The following GRAMD1C variants were observed in gnomAD, a reference collection of about 807,000 sequenced individuals.
GRAMD1C encodes the protein GRAM domain containing 1C.
GRAMD1C carries 89 observed loss-of-function variants against 97.8 expected under a neutral mutation model. The observed-to-expected ratio is 0.91, with a 90% CI of 0.77 to 1.09. The LOEUF is 1.09. Among genes scored for constraint, GRAMD1C ranks in the 50% least tolerant of loss-of-function variants. The probability of loss-of-function intolerance (pLI) is 0.00; values close to 1 mark genes in which losing one functional copy is unlikely to be tolerated. For missense variants in GRAMD1C, 740 were observed against 766.4 expected (o/e 0.97, Z 0.41); for synonymous variants, 256 against 267.0 (o/e 0.96, Z 0.40).
In GRAMD1C at chr3:113,838,844, A is replaced by C. The variant is rs1017801092; in HGVS notation, c.-66A>C. The C allele has an allele frequency of 3.0e-5, 35 of 1,168,684 alleles. 1 individual carries two copies. Among genetic ancestry groups the C allele is most frequent in the Non-Finnish European group, 3.5e-5 (33 of 932,134 alleles). 72.4% of individuals were successfully genotyped at this position (1,168,684 alleles called of 1,614,324 possible). A position where few individuals can be genotyped will look rare whatever the true frequency, so the allele number is the denominator to read the frequency against. ...GCCTGTAACTCGCAGCGCGCGCTGGAGGTGGGCGCGGGGCGGTGCGGTGCG... is the reference window on the plus strand; with the variant it reads ...GCCTGTAACTCGCAGCGCGCGCTGGCGGTGGGCGCGGGGCGGTGCGGTGCG... On this transcript the variant is annotated 5_prime_UTR_variant, in exon 1 of 18. Transcript: ENST00000358160.
rs550856728 is a variant in GRAMD1C, at chr3:113,856,490, C to T, written c.174+11841C>T. Among the ~76,000 whole-genome samples the T allele has an allele frequency of 5.3e-5, 8 of 152,106 alleles. No homozygotes were observed. The South Asian group carries it at 1.0e-3, about 20-fold the overall frequency. ...CCACTGCCACCCCCTATGTTACCCC[C>T]GGCTAGTCTGTTCTCCAGATTTATT... On this transcript the variant is annotated intron_variant, in intron 2 of 17. Transcript: ENST00000358160.
chr3:113,917,145 AAAAT>A (rs997242514), intron 10 of GRAMD1C, among the ~76,000 whole-genome samples: 1 of 152,254 alleles, frequency 6.6e-6, no homozygotes, highest in East Asian at 1.9e-4. Context: ...ACTCTGTCTC[AAAAT>A]AAATAAATAA....
intron 10 of GRAMD1C, among the ~76,000 whole-genome samples, chr3:113,922,177 T>G (rs1937083887): frequency 1.3e-5 from 2 of 152,000 alleles, no homozygotes; most frequent in African/African-American, 4.8e-5. Flanking sequence ...ACTCAAACAA[T>G]TCTCCTGCCT....
intron 17 of GRAMD1C, among the ~76,000 whole-genome samples, chr3:113,940,753 T>C (rs774413866): frequency 6.6e-6 from 1 of 152,188 alleles, no homozygotes; most frequent in Non-Finnish European, 1.5e-5. Flanking sequence ...TAACCATATA[T>C]CTTGGAGATA....
rs544007436 is a variant in GRAMD1C, at chr3:113,845,009, A to T, written c.174+360A>T. 18 of 162,688 alleles carry T rather than the reference A, an allele frequency of 1.1e-4. No homozygotes were observed. The East Asian group carries it at 3.3e-3, about 30-fold the overall frequency. The allele number at this position is 162,688 out of a possible 1,614,324, so 10.1% of individuals were successfully genotyped here. A position where few individuals can be genotyped will look rare whatever the true frequency, so the allele number is the denominator to read the frequency against. On this transcript the variant is annotated intron_variant, in intron 2 of 17. Transcript: ENST00000358160. ...CAGCTATTTTATATAATTTTGATTT[A>T]AAAAATTCATTCCTGTACGTAAAGG...
At chr3:113,886,590 C>T (rs1935491221) in intron 6 of GRAMD1C, among the ~76,000 whole-genome samples, 2 of 151,364 alleles carry the variant, frequency 1.3e-5, no homozygotes, top group South Asian at 4.2e-4. Flanking sequence ...GTCTTTTTTC[C>T]TTTCCTCTCT....
At chr3:113,907,210 A>T (rs1023016857) in intron 8 of GRAMD1C, among the ~76,000 whole-genome samples, 1 of 151,852 alleles carries the variant, frequency 6.6e-6, no homozygotes, top group African/African-American at 2.4e-5. Context: ...ATCCTTTTCC[A>T]CCCTCCCCCA....
chr3:113,850,876 A>T, intron 2 of GRAMD1C: 1 of 213,032 alleles, frequency 4.7e-6, no homozygotes, highest in Non-Finnish European at 7.1e-6. Flanking sequence ...ATCTTGGCTC[A>T]CTGCAAACTC....
At chr3:113,882,899 G>T (rs1935318220) in intron 6 of GRAMD1C, 67 bp downstream of exon 6, 3 of 716,480 alleles carry the variant, frequency 4.2e-6, no homozygotes, top group Non-Finnish European at 4.8e-6. Context: ...GAATTGAAGA[G>T]CTCCTTCTTA....
intron 8 of GRAMD1C, among the ~76,000 whole-genome samples, chr3:113,908,207 A>G (rs1936436101): frequency 6.6e-6 from 1 of 152,218 alleles, no homozygotes; most frequent in African/African-American, 2.4e-5. Context: ...TATAGTTTAT[A>G]TAGACTTTTT....
rs1257886089 is a variant in GRAMD1C at position 113,891,745 on chromosome 3, G to A, written c.540+8913G>A. On this transcript the variant is annotated intron_variant, in intron 6 of 17. Transcript: ENST00000358160. ...AAAAAAAGTTAAAAAAAATTAGCTA[G>A]GTGTGGTGGTGCATGCCTATAGTCC... 3.3e-5 allele frequency among the ~76,000 whole-genome samples: 5 copies of A among 151,916 alleles called. No individual in the cohort carries two copies. The East Asian group carries it at 9.7e-4, about 29-fold the overall frequency.
chr3:113,930,879 A>G, intron 11 of GRAMD1C, 47 bp downstream of exon 11: 3 of 949,350 alleles, frequency 3.2e-6, no homozygotes, highest in African/African-American at 1.6e-5. Flanking sequence ...GTGGGGGAAG[A>G]GAGAAGATGC....
rs768432537 is a variant in GRAMD1C at position 113,933,661 on chromosome 3, G to T, written c.1352+8G>T. 10 of 1,593,716 alleles carry T rather than the reference G, an allele frequency of 6.3e-6. No homozygotes were observed. The highest frequency in any genetic ancestry group is 2.2e-5 in the South Asian group (2 of 90,078). ...ACAGAAATGCAGGCTAAGGTGAGCT[G>T]CTGTACATGAATGTGTTAGGATAGG... On this transcript the variant is annotated splice_region_variant and intron_variant, in intron 12 of 17. Coordinates refer to ENST00000358160, the MANE Select transcript of GRAMD1C (RefSeq NM_017577.5).
intron 17 of GRAMD1C, among the ~76,000 whole-genome samples, chr3:113,943,159 C>T (rs574003831): frequency 3.4e-4 from 52 of 152,292 alleles, no homozygotes; most frequent in African/African-American, 1.2e-3. Flanking sequence ...ATGGTTTCCC[C>T]AACTAATATT....
upstream of GRAMD1C, among the ~76,000 whole-genome samples, chr3:113,835,194 A>G (rs569240396): frequency 3.2e-4 from 49 of 152,266 alleles, no homozygotes; most frequent in Non-Finnish European, 2.4e-4. Flanking sequence ...ATTAATCTCA[A>G]TGAGGCATTT....
intron 9 of GRAMD1C, 122 bp downstream of exon 9, chr3:113,909,242 A>G (rs1936476920): frequency 2.3e-6 from 1 of 436,934 alleles, no homozygotes; most frequent in Admixed American, 4.4e-5. Context: ...CTATAAAGAA[A>G]CAAAAAAAGA....
At chr3:113,939,171 G>A (rs1937645627) in intron 15 of GRAMD1C, 1 of 152,062 alleles carries the variant, frequency 6.6e-6, no homozygotes, top group Admixed American at 6.6e-5. Flanking sequence ...ATAAGGGCAA[G>A]TTAATATTTT....
intron 10 of GRAMD1C, among the ~76,000 whole-genome samples, chr3:113,920,453 A>G (rs1049033983): frequency 6.6e-6 from 1 of 152,188 alleles, no homozygotes; most frequent in African/African-American, 2.4e-5. Flanking sequence ...TTTACTTCAC[A>G]CTTTGATGAT....
upstream of GRAMD1C, among the ~76,000 whole-genome samples, chr3:113,836,659 T>A (rs1709636610): frequency 6.6e-6 from 1 of 152,020 alleles, no homozygotes; most frequent in Non-Finnish European, 1.5e-5. Context: ...TTATTATTAT[T>A]TGAGACGGAG....
Sources: allele counts gnomAD v4.1 joint callset (sites outside exome capture counted in the v4.1 genomes callset), GRCh38; gene constraint gnomAD v4.1.1; transcripts MANE v1.5; gene names NCBI Gene and HGNC (gene_info 2026-07-23, HGNC 2026-07-21).